Variants in CACNA1D observed in about 807,000 individuals in gnomAD.
CACNA1D encodes the protein calcium voltage-gated channel subunit alpha1 D, also known as voltage-dependent L-type calcium channel subunit alpha-1D.
Under a neutral mutation model 257.1 loss-of-function variants are expected in CACNA1D, and 55 were observed. The ratio of observed to expected loss-of-function variants is 0.21; its 90% CI spans 0.17 to 0.27. The LOEUF (loss-of-function observed/expected upper bound fraction) is 0.27. CACNA1D is among the 10% of genes least tolerant of loss of function. CACNA1D has a pLI of 1.00. For synonymous variants in CACNA1D, 980 were observed against 1,014.9 expected (o/e 0.97, Z 0.65); for missense variants, 1,876 against 2,784.0 (o/e 0.67, Z 7.34).
At chr3:53,589,215 G>A (rs544216544) in intron 3 of CACNA1D, among the ~76,000 whole-genome samples, 29 of 152,338 alleles carry the variant, frequency 1.9e-4, no homozygotes, top group Middle Eastern at 3.4e-3. Flanking sequence ...CTAAGAGGAA[G>A]AATGATATTT....
chr3:53,679,269 TCAAAAAAAAAAAAAAAAA>T (rs1414474458), intron 8 of CACNA1D: 6 of 6,372 alleles, frequency 9.4e-4, no homozygotes, highest in African/African-American at 2.0e-3. Flanking sequence ...AAACTCCATC[TCAAAAAAAAAAAAAAAAA>T]AAAAAAAAAA....
At chr3:53,544,899 T>C (rs908708457) in intron 3 of CACNA1D, among the ~76,000 whole-genome samples, 3 of 152,208 alleles carry the variant, frequency 2.0e-5, no homozygotes, top group Non-Finnish European at 4.4e-5. Context: ...GTCTACCTCA[T>C]AGGCTTACAG....
At chr3:53,627,841 C>T (rs1180942511) in intron 3 of CACNA1D, among the ~76,000 whole-genome samples, 3 of 151,940 alleles carry the variant, frequency 2.0e-5, no homozygotes, top group African/African-American at 7.3e-5. Flanking sequence ...GGTGAAACCC[C>T]ATCTCTACTA....
At position 53,812,735 on chromosome 3, in the gene CACNA1D, C is replaced by A. The variant is rs1417878981; in HGVS notation, c.*1329C>A. 1 of 152,226 alleles carries A rather than the reference C, an allele frequency of 6.6e-6. No individual in the cohort carries two copies. The highest frequency in any genetic ancestry group is 1.5e-5 in the Non-Finnish European group (1 of 68,050). 9.4% of individuals were successfully genotyped at this position (152,226 alleles called of 1,614,324 possible). On this transcript the variant is annotated 3_prime_UTR_variant, in exon 48 of 48. Coordinates refer to ENST00000350061, the MANE Select transcript of CACNA1D (RefSeq NM_001128840.3). ...TGCATAGGTGGATGAGATATAGCTGCTCTTGTCCTCTGGGGACTGGTGGTG... is the reference window on the plus strand; with the variant it reads ...TGCATAGGTGGATGAGATATAGCTGATCTTGTCCTCTGGGGACTGGTGGTG...
chr3:53,704,251 CTGTGCCT>C (rs2094660417), intron 9 of CACNA1D, among the ~76,000 whole-genome samples: 1 of 152,008 alleles, frequency 6.6e-6, no homozygotes, highest in Non-Finnish European at 1.5e-5. Context: ...AGCCTGGGCT[CTGTGCCT>C]CCATGGGGAG....
intron 8 of CACNA1D, among the ~76,000 whole-genome samples, chr3:53,696,581 T>TACTC (rs1156646808): frequency 6.6e-6 from 1 of 152,202 alleles, no homozygotes. Flanking sequence ...TAGAGTTTTC[T>TACTC]GGTGAATTAG....
chr3:53,549,315 G>A (rs777467068), intron 3 of CACNA1D, among the ~76,000 whole-genome samples: 2 of 152,120 alleles, frequency 1.3e-5, no homozygotes, highest in Non-Finnish European at 2.9e-5. Context: ...TGTTGCTTTT[G>A]TCAAATGGGA....
In CACNA1D at chr3:53,804,990, T is replaced by C; in HGVS notation, c.5593T>C (p.Tyr1865His). The change falls in exon 45 of 48, where the codon TAT (tyrosine) becomes CAT (histidine). Residue 1865 changes from tyrosine to histidine, a missense_variant. Physicochemically the swap from Tyr to His is moderately conservative, Grantham distance 83. Transcript: ENST00000350061. ...DSSPTWSRQNYGYYSRYPGRN... is the reference protein window; with the variant it reads ...DSSPTWSRQNHGYYSRYPGRN... ...CTCCTCTCTGACCTCCAGGCAAAAC[T>C]ATGGCTACTACAGCAGATACCCAGG... 6.2e-7 allele frequency: 1 copy of C among 1,614,050 alleles called. No homozygotes were observed. Among genetic ancestry groups the C allele is most frequent in the South Asian group, 1.1e-5 (1 of 91,082 alleles).
intron 9 of CACNA1D, among the ~76,000 whole-genome samples, chr3:53,704,355 C>T (rs1218052683): frequency 6.6e-6 from 1 of 152,118 alleles, no homozygotes; most frequent in Non-Finnish European, 1.5e-5. Context: ...TCTCTTCTCT[C>T]CCTCCCTGCT....
At chr3:53,710,385 C>T (rs998668247) in intron 9 of CACNA1D, 1 of 456,354 alleles carries the variant, frequency 2.2e-6, no homozygotes, top group Admixed American at 2.3e-5. Flanking sequence ...TGCCTGTGTT[C>T]AACCTGAAGG....
At chr3:53,658,316 GA>G (rs940950087) in intron 4 of CACNA1D, among the ~76,000 whole-genome samples, 3 of 152,142 alleles carry the variant, frequency 2.0e-5, no homozygotes. Flanking sequence ...CTGAGGCCCA[GA>G]GAAGGAGAGG....
At chr3:53,775,517 C>T (rs2095392004) in intron 34 of CACNA1D, among the ~76,000 whole-genome samples, 1 of 152,100 alleles carries the variant, frequency 6.6e-6, no homozygotes, top group African/African-American at 2.4e-5. Flanking sequence ...CAAGATCACA[C>T]CACTGCACTC....
Position 53,732,972 on chromosome 3 carries a change from C to A in CACNA1D, c.2621+10C>A, listed in dbSNP as rs748133165. 3 of 1,613,794 alleles carry A rather than the reference C, an allele frequency of 1.9e-6. No homozygotes were observed. The highest frequency in any genetic ancestry group is 2.5e-6 in the Non-Finnish European group (3 of 1,179,770). ...TTAGCAAGACCAACCCGTAAATACT[C>A]CCCTTCTAGTCTCTCACGGCTGCCT... On this transcript the variant is annotated intron_variant, in intron 19 of 47. Coordinates refer to ENST00000350061, the MANE Select transcript of CACNA1D (RefSeq NM_001128840.3).
Position 53,781,680 on chromosome 3 carries a change from T to C in CACNA1D, c.4792+13T>C. 6.4e-7 allele frequency: 1 copy of C among 1,559,906 alleles called. No homozygotes were observed. The highest frequency in any genetic ancestry group is 8.8e-7 in the Non-Finnish European group (1 of 1,130,432). On this transcript the variant is annotated intron_variant, in intron 39 of 47. Coordinates refer to ENST00000350061, the MANE Select transcript of CACNA1D (RefSeq NM_001128840.3). ...CCTCCAGCTGGTGGTCAGTGCAGTC[T>C]ATTTCCTAAGTAGTCCTTGGCCAGT...
At chr3:53,571,074 G>C (rs532914768) in intron 3 of CACNA1D, among the ~76,000 whole-genome samples, 1 of 152,348 alleles carries the variant, frequency 6.6e-6, no homozygotes, top group African/African-American at 2.4e-5. Context: ...GTCTGCCATT[G>C]GTGATTTTGG....
Position 53,747,335 on chromosome 3 carries a change from T to C in CACNA1D, c.3201T>C (p.Val1067=), listed in dbSNP as rs2095179885. 1 of 1,614,086 alleles carries C rather than the reference T, an allele frequency of 6.2e-7. No individual in the cohort carries two copies. ...TCATCCTCTACAAGGATGGGGATGT[T>C]GACAGTCCTGTGGTCCGTGAACGGA... The part of the protein sequence containing the change: ...GLFILYKDGD[V]DSPVVRERIW... The change falls in exon 26 of 48, where the codon GTT becomes GTC. Residue 1067 remains valine (V), a synonymous_variant. Coordinates refer to ENST00000350061, the MANE Select transcript of CACNA1D (RefSeq NM_001128840.3).
chr3:53,597,516 A>C lies in CACNA1D; in HGVS notation c.484-53263A>C, dbSNP rs191620697. ...TAGAAGGCTCTGCCTGACTTTGCCT[A>C]TTTGGATTCCCCCACTTTACTGAGG... On this transcript the variant is annotated intron_variant, in intron 3 of 47. Transcript: ENST00000350061. Among the ~76,000 whole-genome samples the C allele has an allele frequency of 1.6e-3, 244 of 152,258 alleles. 1 individual carries two copies. The highest frequency in any genetic ancestry group is 5.5e-3 in the African/African-American group (230 of 41,544).
Position 53,775,903 on chromosome 3 carries a change from C to A in CACNA1D, c.4220C>A (p.Ala1407Asp). 6.2e-7 allele frequency: 1 copy of A among 1,614,172 alleles called. No homozygotes were observed. Among genetic ancestry groups the A allele is most frequent in the Middle Eastern group, 1.7e-4 (1 of 6,048 alleles). Residue 1407 changes from alanine to aspartate, a missense_variant, in exon 35 of 48, where the codon GCC becomes GAC. Ala to Asp is a moderately radical substitution (Grantham distance 126, BLOSUM62 -2). This residue lies in a region of CACNA1D where 83 missense variants were observed against 210.7 expected (regional missense o/e 0.39). Coordinates refer to ENST00000350061, the MANE Select transcript of CACNA1D (RefSeq NM_001128840.3). ...LLLFRCATGE[A>D]WQEIMLACLP... ...TGAAAAAGGTGTGCAACAGGTGAGGCCTGGCAGGAGATCATGCTGGCCTGT... is the reference window on the plus strand; with the variant it reads ...TGAAAAAGGTGTGCAACAGGTGAGGACTGGCAGGAGATCATGCTGGCCTGT...
intron 28 of CACNA1D, among the ~76,000 whole-genome samples, chr3:53,752,196 C>T (rs1178205192): frequency 6.6e-6 from 1 of 152,152 alleles, no homozygotes; most frequent in Non-Finnish European, 1.5e-5. Context: ...CCTCCTGTGG[C>T]CAGCTAGTGG....
Sources: allele counts gnomAD v4.1 joint callset (sites outside exome capture counted in the v4.1 genomes callset), GRCh38; gene constraint gnomAD v4.1.1; regional missense constraint gnomAD v4.1.1; transcripts MANE v1.5; gene names NCBI Gene and HGNC (gene_info 2026-07-23, HGNC 2026-07-21).